The following LRRTM4 variants were observed in gnomAD, a reference collection of about 807,000 sequenced individuals.
The protein encoded by LRRTM4 is leucine rich repeat transmembrane neuronal 4, also known as leucine-rich repeat transmembrane neuronal protein 4.
A neutral mutation model predicts 47.6 loss-of-function variants in LRRTM4; 25 were observed. That is an observed-to-expected ratio of 0.53 (90% confidence interval 0.38 to 0.73). The LOEUF (loss-of-function observed/expected upper bound fraction) is 0.73. LRRTM4 is among the 30% of genes least tolerant of loss of function. LRRTM4 has a pLI of 0.00. For synonymous variants in LRRTM4, 311 were observed against 269.5 expected (o/e 1.15, Z -1.51); for missense variants, 638 against 713.4 (o/e 0.89, Z 1.20).
intron 3 of LRRTM4, among the ~76,000 whole-genome samples, chr2:76,909,133 C>T (rs913458765): frequency 3.4e-4 from 51 of 152,210 alleles, no homozygotes; most frequent in Non-Finnish European, 6.3e-4. Flanking sequence ...ATGGCACTGG[C>T]ACCAAAACAG....
chr2:77,255,525 AAC>A (rs1335873381), intron 3 of LRRTM4, among the ~76,000 whole-genome samples: 1 of 152,028 alleles, frequency 6.6e-6, no homozygotes, highest in Admixed American at 6.6e-5. Flanking sequence ...TAGACCATGA[AAC>A]ACACTTCAAA....
intron 3 of LRRTM4, among the ~76,000 whole-genome samples, chr2:77,479,426 A>G (rs1169206356): frequency 6.6e-6 from 1 of 152,214 alleles, no homozygotes; most frequent in Non-Finnish European, 1.5e-5. Flanking sequence ...TCAAACAGTC[A>G]GTCCACTTTG....
intron 3 of LRRTM4, among the ~76,000 whole-genome samples, chr2:76,806,985 A>T (rs962796006): frequency 1.3e-5 from 2 of 152,180 alleles, no homozygotes; most frequent in African/African-American, 4.8e-5. Context: ...AAAATTAATG[A>T]GACATCAACA....
intron 3 of LRRTM4, among the ~76,000 whole-genome samples, chr2:77,056,264 A>C (rs1468050995): frequency 1.3e-5 from 2 of 152,204 alleles, no homozygotes; most frequent in Non-Finnish European, 2.9e-5. Context: ...CAATAAATGC[A>C]TTGAAGAAGA....
intron 3 of LRRTM4, among the ~76,000 whole-genome samples, chr2:77,192,695 A>G (rs868824662): frequency 3.0e-4 from 45 of 152,242 alleles, no homozygotes; most frequent in Middle Eastern, 3.4e-3. Context: ...TATCTTATCT[A>G]CATTAAATCA....
chr2:77,160,482 A>G (rs997889555), intron 3 of LRRTM4, among the ~76,000 whole-genome samples: 1 of 147,742 alleles, frequency 6.8e-6, no homozygotes, highest in Non-Finnish European at 1.5e-5. Context: ...CCATATAGCC[A>G]AAGGACATTG....
chr2:77,329,228 A>AG (rs1414490837), intron 3 of LRRTM4, among the ~76,000 whole-genome samples: 1 of 152,198 alleles, frequency 6.6e-6, no homozygotes, highest in Non-Finnish European at 1.5e-5. Context: ...TACCAAAAAA[A>AG]TTGTTTACAT....
chr2:77,305,220 G>A (rs1399894926), intron 3 of LRRTM4, among the ~76,000 whole-genome samples: 2 of 151,784 alleles, frequency 1.3e-5, no homozygotes, highest in Non-Finnish European at 2.9e-5. Flanking sequence ...CTAGTTTTCT[G>A]TGTTGATATA....
At chr2:77,151,814 T>C (rs184136097) in intron 3 of LRRTM4, among the ~76,000 whole-genome samples, 2 of 152,340 alleles carry the variant, frequency 1.3e-5, no homozygotes, top group African/African-American at 2.4e-5. Flanking sequence ...TTGTTGACTA[T>C]AATGCAGATC....
At chr2:77,520,195 G>T (rs1051813328) in intron 2 of LRRTM4, among the ~76,000 whole-genome samples, 5 of 151,912 alleles carry the variant, frequency 3.3e-5, no homozygotes, top group Admixed American at 3.3e-4. Flanking sequence ...ATAATATTTG[G>T]CTAACCACTG....
At chr2:76,984,125 T>A (rs1335394385) in intron 3 of LRRTM4, among the ~76,000 whole-genome samples, 1 of 151,884 alleles carries the variant, frequency 6.6e-6, no homozygotes, top group Non-Finnish European at 1.5e-5. Flanking sequence ...ATGTTAGTAA[T>A]TGCATTTTAA....
chr2:76,901,474 TAGAC>T (rs150722307), intron 3 of LRRTM4, among the ~76,000 whole-genome samples: 4,022 of 152,188 alleles, frequency 0.026, 167 homozygotes, highest in African/African-American at 0.086. Flanking sequence ...CACTGTGACT[TAGAC>T]AGAAAAAAGG....
chr2:77,332,913 C>T (rs1671021780), intron 3 of LRRTM4, among the ~76,000 whole-genome samples: 1 of 152,146 alleles, frequency 6.6e-6, no homozygotes, highest in South Asian at 2.1e-4. Flanking sequence ...AACTGTAACT[C>T]CACAATTCCC....
Position 77,430,651 on chromosome 2 carries a change from G to A in LRRTM4, c.1551+87667C>T, listed in dbSNP as rs1171182307. 4.7e-5 allele frequency among the ~76,000 whole-genome samples: 7 copies of A among 148,032 alleles called. 1 individual carries two copies. Among genetic ancestry groups the A allele is most frequent in the African/African-American group, 1.9e-4 (7 of 37,666 alleles). ...CAGGAGAATCACTTGAACCCAGGAG[G>A]CGGAGGTTGTGGTGAGCTGAGACCA... On this transcript the variant is annotated intron_variant, in intron 3 of 3. Transcript: ENST00000409884.
At chr2:77,334,365 G>A (rs1363449462) in intron 3 of LRRTM4, among the ~76,000 whole-genome samples, 1 of 152,166 alleles carries the variant, frequency 6.6e-6, no homozygotes, top group East Asian at 1.9e-4. Context: ...ATCTCATCTT[G>A]AATTGTAATT....
chr2:76,875,132 A>G (rs1447253309), intron 3 of LRRTM4, among the ~76,000 whole-genome samples: 1 of 152,112 alleles, frequency 6.6e-6, no homozygotes, highest in African/African-American at 2.4e-5. Flanking sequence ...CATAGATCAA[A>G]TAGCCACAGG....
intron 3 of LRRTM4, among the ~76,000 whole-genome samples, chr2:77,183,466 CT>C (rs1302741487): frequency 1.3e-5 from 2 of 152,084 alleles, no homozygotes; most frequent in African/African-American, 4.8e-5. Context: ...AATAGGAATA[CT>C]TTTACACTGT....
At chr2:76,794,406 T>C (rs1286073549) in intron 3 of LRRTM4, among the ~76,000 whole-genome samples, 1 of 152,224 alleles carries the variant, frequency 6.6e-6, no homozygotes, top group Non-Finnish European at 1.5e-5. Flanking sequence ...TACTGCTATA[T>C]GACTAATCGG....
At chr2:77,521,618 A>G in intron 2 of LRRTM4, 50 bp downstream of exon 2, 1 of 1,609,714 alleles carries the variant, frequency 6.2e-7, no homozygotes. Context: ...GAGGATAGGA[A>G]GCCAAGAGGA....
Sources: gnomAD v4.1 joint callset for allele counts (sites outside exome capture counted in the v4.1 genomes callset) on GRCh38, gnomAD v4.1.1 for gene constraint, MANE v1.5 for transcripts, NCBI Gene and HGNC (gene_info 2026-07-23, HGNC 2026-07-21) for gene names.